Variants in CAMK2A observed in about 807,000 individuals in gnomAD.
CAMK2A encodes the protein calcium/calmodulin dependent protein kinase II alpha.
In CAMK2A, 7 loss-of-function variants were observed where a neutral mutation model predicts 79.2. That is an observed-to-expected ratio of 0.09 (90% CI 0.05 to 0.17). The LOEUF (loss-of-function observed/expected upper bound fraction) is 0.17. Ranked by LOEUF, CAMK2A falls within the 10% of genes least tolerant of loss-of-function variation. CAMK2A has a pLI of 1.00. For synonymous variants in CAMK2A, 242 were observed against 251.7 expected, an observed-to-expected ratio of 0.96 and a Z score of 0.36; for missense variants, 214 against 646.4, an observed-to-expected ratio of 0.33 and a Z score of 7.25.
intron 17 of CAMK2A, among the ~76,000 whole-genome samples, chr5:150,227,877 T>C (rs1409781028): frequency 2.6e-5 from 4 of 151,990 alleles, no homozygotes; most frequent in Non-Finnish European, 5.9e-5. Context: ...TTATCTATAA[T>C]ATGGGAATCA....
intron 1 of CAMK2A, among the ~76,000 whole-genome samples, chr5:150,278,008 G>T (rs1757027021): frequency 6.6e-6 from 1 of 152,204 alleles, no homozygotes; most frequent in African/African-American, 2.4e-5. Flanking sequence ...AAAAGCAGAG[G>T]CTCTGGGGTC....
chr5:150,289,451 C>A, intron 1 of CAMK2A, 113 bp downstream of exon 1: 1 of 835,022 alleles, frequency 1.2e-6, no homozygotes, highest in Non-Finnish European at 2.0e-6. Flanking sequence ...TGCAGCCTGC[C>A]TTCATCTGTG....
intron 6 of CAMK2A, among the ~76,000 whole-genome samples, chr5:150,255,093 G>A (rs149986551): frequency 1.3e-5 from 2 of 152,294 alleles, no homozygotes; most frequent in African/African-American, 4.8e-5. Context: ...CCTGGGTCTC[G>A]GTAACCGTCC....
At chr5:150,288,032 C>T (rs985595566) in intron 1 of CAMK2A, among the ~76,000 whole-genome samples, 1 of 151,688 alleles carries the variant, frequency 6.6e-6, no homozygotes, top group Non-Finnish European at 1.5e-5. Context: ...TATGCAGACA[C>T]CAGCATGAGC....
chr5:150,273,237 A>T, intron 1 of CAMK2A, 78 bp from the exon 2 acceptor site: 1 of 1,072,062 alleles, frequency 9.3e-7, no homozygotes, highest in Admixed American at 1.7e-5. Context: ...AGTTCACATC[A>T]CTGCCCCACG....
intron 17 of CAMK2A, among the ~76,000 whole-genome samples, chr5:150,227,793 A>G (rs1754668541): frequency 6.6e-6 from 1 of 152,202 alleles, no homozygotes. Flanking sequence ...GCTTGTGACC[A>G]GCTGGGCAGC....
chr5:150,289,738 C>T lies in CAMK2A; in HGVS notation c.-113G>A. 2.5e-6 allele frequency: 2 copies of T among 800,838 alleles called. No individual in the cohort carries two copies. Among genetic ancestry groups the T allele is most frequent in the Admixed American group, 4.2e-5 (2 of 47,758 alleles). The allele number at this position is 800,838 out of a possible 1,614,324, so 49.6% of individuals were successfully genotyped here. On this transcript the variant is annotated 5_prime_UTR_variant, in exon 1 of 19. Coordinates refer to ENST00000671881, the MANE Select transcript of CAMK2A (RefSeq NM_015981.4). Reference sequence around the variant, plus strand: ...GCCTGCCCGTGCTGCCGAGTGCAAACAGAGAACCGGTTTGACTGACGAGCC... The same window carrying T: ...GCCTGCCCGTGCTGCCGAGTGCAAATAGAGAACCGGTTTGACTGACGAGCC...
intron 1 of CAMK2A, among the ~76,000 whole-genome samples, chr5:150,280,281 C>T (rs1757153771): frequency 6.6e-6 from 1 of 152,166 alleles, no homozygotes; most frequent in African/African-American, 2.4e-5. Flanking sequence ...TCACCCAACA[C>T]TTCCCTCCAC....
At chr5:150,242,830 G>C (rs553164260) in intron 13 of CAMK2A, among the ~76,000 whole-genome samples, 1 of 152,304 alleles carries the variant, frequency 6.6e-6, no homozygotes, top group East Asian at 1.9e-4. Context: ...AGGCTCCCCA[G>C]ATCCTGGGCC....
intron 3 of CAMK2A, among the ~76,000 whole-genome samples, chr5:150,263,616 C>T (rs1756388822): frequency 6.6e-6 from 1 of 152,004 alleles, no homozygotes; most frequent in Non-Finnish European, 1.5e-5. Flanking sequence ...CACATTCGCA[C>T]TCACACTCAC....
At chr5:150,255,159 G>T (rs1756001001) in intron 6 of CAMK2A, among the ~76,000 whole-genome samples, 2 of 152,184 alleles carry the variant, frequency 1.3e-5, no homozygotes, top group African/African-American at 4.8e-5. Context: ...GCCTAAATTT[G>T]GGCTGCCTCT....
intron 12 of CAMK2A, among the ~76,000 whole-genome samples, chr5:150,246,222 A>T (rs150163111): frequency 1.4e-4 from 21 of 152,240 alleles, no homozygotes; most frequent in Admixed American, 3.3e-4. Flanking sequence ...GACCCCTTCG[A>T]GGCTCTCATT....
At chr5:150,275,976 G>A (rs2150304325) in intron 1 of CAMK2A, among the ~76,000 whole-genome samples, 1 of 152,256 alleles carries the variant, frequency 6.6e-6, no homozygotes, top group African/African-American at 2.4e-5. Flanking sequence ...GCCACGGTTT[G>A]GTCTTTCTGT....
chr5:150,238,577 G>C, intron 15 of CAMK2A, 123 bp downstream of exon 15: 1 of 975,130 alleles, frequency 1.0e-6, no homozygotes, highest in South Asian at 1.4e-5. Context: ...AGGCACCAGA[G>C]CGAAGCTCTC....
intron 3 of CAMK2A, among the ~76,000 whole-genome samples, chr5:150,258,050 T>G (rs1756136254): frequency 6.6e-6 from 1 of 152,216 alleles, no homozygotes; most frequent in African/African-American, 2.4e-5. Context: ...AGGCTTGTTA[T>G]GAGAGTTCCA....
At position 150,248,230 on chromosome 5, in the gene CAMK2A, A is replaced by T. The variant is rs143490850; in HGVS notation, c.901-416T>A. Among the ~76,000 whole-genome samples the T allele has an allele frequency of 5.2e-4, 79 of 151,324 alleles. No homozygotes were observed. The East Asian group carries it at 0.015, about 28-fold the overall frequency. ...TAGCCCTCTGCCCCGTGCTGAGAGC[A>T]TCTTGCTCCAGGACTAGCTCATCCC... On this transcript the variant is annotated intron_variant, in intron 11 of 18. Coordinates refer to ENST00000671881, the MANE Select transcript of CAMK2A (RefSeq NM_015981.4).
intron 2 of CAMK2A, 124 bp downstream of exon 2, chr5:150,272,941 C>T (rs775345638): frequency 3.4e-5 from 25 of 725,828 alleles, no homozygotes; most frequent in Admixed American, 2.4e-4. Context: ...GAAGAGCAGC[C>T]CCCACCCCTG....
At chr5:150,262,179 GACTGACCTGGGACCTC>G (rs1756330038) in intron 3 of CAMK2A, among the ~76,000 whole-genome samples, 1 of 152,184 alleles carries the variant, frequency 6.6e-6, no homozygotes, top group South Asian at 2.1e-4. Flanking sequence ...CTGGGGACTG[GACTGACCTGGGACCTC>G]ACTGACCTGG....
intron 14 of CAMK2A, 108 bp downstream of exon 14, chr5:150,239,596 G>A: frequency 3.0e-6 from 3 of 984,896 alleles, no homozygotes; most frequent in Admixed American, 3.5e-5. Flanking sequence ...AGCACGCCCT[G>A]AGCACCCTCT....
Sources: allele counts gnomAD v4.1 joint callset (sites outside exome capture counted in the v4.1 genomes callset), GRCh38; gene constraint gnomAD v4.1.1; transcripts MANE v1.5; gene names NCBI Gene and HGNC (gene_info 2026-07-23, HGNC 2026-07-21).